The following RELN variants were observed in gnomAD, a reference collection of about 807,000 sequenced individuals.
RELN encodes the protein reelin.
RELN carries 108 observed loss-of-function variants against 427.6 expected under a neutral mutation model. The ratio of observed to expected loss-of-function variants is 0.25; its 90% CI spans 0.22 to 0.30. The LOEUF is 0.30. RELN is among the 10% of genes least tolerant of loss of function. The pLI, the probability that RELN is intolerant of heterozygous loss-of-function variation, is 1.00. For missense variants in RELN, 3,715 were observed against 4,302.8 expected (o/e 0.86, Z 3.82); for synonymous variants, 1,524 against 1,513.4 (o/e 1.01, Z -0.16).
At chr7:103,660,739 A>G (rs1183389452) in intron 12 of RELN, among the ~76,000 whole-genome samples, 4 of 152,198 alleles carry the variant, frequency 2.6e-5, no homozygotes, top group African/African-American at 9.6e-5. Context: ...CTGGAATGAC[A>G]TCAGTGAGAG....
intron 17 of RELN, among the ~76,000 whole-genome samples, chr7:103,639,625 C>A (rs1319054121): frequency 1.3e-5 from 2 of 152,028 alleles, no homozygotes; most frequent in African/African-American, 4.8e-5. Context: ...GTCTCGAACT[C>A]CTGACCTCAA....
At chr7:103,565,602 T>C (rs1356938075) in intron 33 of RELN, 51 bp from the exon 34 acceptor site, 2 of 1,579,394 alleles carry the variant, frequency 1.3e-6, no homozygotes, top group South Asian at 1.1e-5. Flanking sequence ...CATTTTCTTA[T>C]TTGGTGTTTA....
intron 3 of RELN, among the ~76,000 whole-genome samples, chr7:103,794,140 T>C (rs1422866373): frequency 6.6e-6 from 1 of 152,144 alleles, no homozygotes; most frequent in African/African-American, 2.4e-5. Context: ...ATGCTGATAC[T>C]AAACTATCTA....
At chr7:103,845,242 G>A (rs931753570) in intron 2 of RELN, among the ~76,000 whole-genome samples, 9 of 151,960 alleles carry the variant, frequency 5.9e-5, no homozygotes, top group African/African-American at 1.5e-4. Flanking sequence ...CCAGGCTGGA[G>A]TGCAGTGGTA....
chr7:103,786,500 T>C (rs1792019030), intron 3 of RELN, among the ~76,000 whole-genome samples: 1 of 131,018 alleles, frequency 7.6e-6, no homozygotes, highest in Admixed American at 8.1e-5. Flanking sequence ...GAGAAAGATT[T>C]ACCAAGAAAA....
At chr7:103,599,373 G>A (rs1411391447) in intron 24 of RELN, among the ~76,000 whole-genome samples, 1 of 152,128 alleles carries the variant, frequency 6.6e-6, no homozygotes, top group African/African-American at 2.4e-5. Flanking sequence ...GCAACTGAGG[G>A]CTGCAGACCC....
At chr7:103,962,902 C>CA (rs1405959819) in intron 1 of RELN, among the ~76,000 whole-genome samples, 6 of 152,186 alleles carry the variant, frequency 3.9e-5, no homozygotes, top group Admixed American at 3.9e-4. Context: ...ATAGGGTAAA[C>CA]ATAAGGTAAT....
chr7:103,747,388 A>T (rs901449152), intron 6 of RELN, among the ~76,000 whole-genome samples: 10 of 151,570 alleles, frequency 6.6e-5, no homozygotes, highest in Admixed American at 5.9e-4. Context: ...CGTTGTGCAC[A>T]TGTACCCTAA....
chr7:103,800,390 C>A (rs953755586), intron 3 of RELN, among the ~76,000 whole-genome samples: 1 of 152,148 alleles, frequency 6.6e-6, no homozygotes, highest in East Asian at 1.9e-4. Context: ...TTCACAATTG[C>A]TACAAAGAGA....
chr7:103,624,342 G>C (rs1328299276), intron 20 of RELN, among the ~76,000 whole-genome samples: 3 of 152,038 alleles, frequency 2.0e-5, no homozygotes, highest in Admixed American at 2.0e-4. Flanking sequence ...ACGCCACCTG[G>C]GGCTGGTGTG....
At chr7:103,895,297 G>GA (rs57824180) in intron 2 of RELN, among the ~76,000 whole-genome samples, 50 of 148,288 alleles carry the variant, frequency 3.4e-4, no homozygotes, top group African/African-American at 8.9e-4. Flanking sequence ...CTTGTAACAG[G>GA]AAAAAAAAAA....
intron 6 of RELN, among the ~76,000 whole-genome samples, chr7:103,745,444 G>T (rs892558618): frequency 1.3e-5 from 2 of 148,370 alleles, no homozygotes; most frequent in Non-Finnish European, 3.0e-5. Context: ...GGAAATAAAG[G>T]GTATTCAATT....
At chr7:103,739,737 G>A (rs540549462) in intron 6 of RELN, among the ~76,000 whole-genome samples, 1 of 152,166 alleles carries the variant, frequency 6.6e-6, no homozygotes, top group African/African-American at 2.4e-5. Context: ...GGGGAGTGGG[G>A]ATATGAAGGG....
intron 8 of RELN, among the ~76,000 whole-genome samples, chr7:103,712,509 C>T (rs1363642396): frequency 6.6e-6 from 1 of 152,194 alleles, no homozygotes; most frequent in Non-Finnish European, 1.5e-5. Flanking sequence ...ACTTAATTAA[C>T]TTATAGATTT....
rs80261406 is a variant in RELN at position 103,692,868 on chromosome 7, G to A, written c.1143+4985C>T. On this transcript the variant is annotated intron_variant, in intron 10 of 64. Coordinates refer to ENST00000428762, the MANE Select transcript of RELN (RefSeq NM_005045.4). ...TAGCACAAAGAGGAGGGAGACATTA[G>A]CTATGCAAAACTTCTCAGAGACAAT... 3.4e-3 allele frequency among the ~76,000 whole-genome samples: 515 copies of A among 152,064 alleles called. 3 individuals carry two copies. Among genetic ancestry groups the A allele is most frequent in the African/African-American group, 0.012 (494 of 41,496 alleles).
intron 58 of RELN, 65 bp from the exon 59 acceptor site, chr7:103,490,894 G>A: frequency 6.6e-7 from 1 of 1,526,648 alleles, no homozygotes; most frequent in East Asian, 2.3e-5. Flanking sequence ...TTAATGTCAA[G>A]GTAATGCTTT....
At chr7:103,917,864 G>C (rs551045609) in intron 1 of RELN, among the ~76,000 whole-genome samples, 2 of 152,076 alleles carry the variant, frequency 1.3e-5, no homozygotes, top group Non-Finnish European at 2.9e-5. Context: ...TGCTACTCAG[G>C]CTTGGCTTCT....
intron 29 of RELN, among the ~76,000 whole-genome samples, chr7:103,575,113 C>A (rs1383969367): frequency 6.6e-6 from 1 of 152,170 alleles, no homozygotes; most frequent in African/African-American, 2.4e-5. Flanking sequence ...GGGTTTGATA[C>A]TCAGCTCCAG....
intron 3 of RELN, among the ~76,000 whole-genome samples, chr7:103,781,760 C>T (rs1449265915): frequency 1.3e-5 from 2 of 151,842 alleles, no homozygotes; most frequent in African/African-American, 2.4e-5. Context: ...ATTTGTAACA[C>T]ACAATATATT....
Sources: allele counts gnomAD v4.1 joint callset (sites outside exome capture counted in the v4.1 genomes callset), GRCh38; gene constraint gnomAD v4.1.1; transcripts MANE v1.5; gene names NCBI Gene and HGNC (gene_info 2026-07-23, HGNC 2026-07-21).